Variants in SRGAP3 observed in about 807,000 individuals in gnomAD.
SRGAP3 encodes SLIT-ROBO Rho GTPase activating protein 3, also known as SLIT-ROBO Rho GTPase-activating protein 3.
In SRGAP3, 39 loss-of-function variants were observed where a neutral mutation model predicts 121.1. The ratio of observed to expected loss-of-function variants is 0.32; its 90% confidence interval spans 0.25 to 0.42. The LOEUF is 0.42. Ranked by LOEUF, SRGAP3 falls within the 10% of genes least tolerant of loss-of-function variation. The pLI, the probability that SRGAP3 is intolerant of heterozygous loss-of-function variation, is 1.00. For missense variants in SRGAP3, 1,213 were observed against 1,470.6 expected, an observed-to-expected ratio of 0.82 and a Z score of 2.86; for synonymous variants, 601 against 570.0, an observed-to-expected ratio of 1.05 and a Z score of -0.77.
intron 1 of SRGAP3, among the ~76,000 whole-genome samples, chr3:9,153,133 C>T (rs1466993292): frequency 6.6e-6 from 1 of 152,170 alleles, no homozygotes; most frequent in Admixed American, 6.5e-5. Flanking sequence ...ACTCTTGTTA[C>T]CTCACCCAGT....
intron 3 of SRGAP3, among the ~76,000 whole-genome samples, chr3:9,263,741 C>T (rs1353852376): frequency 6.6e-6 from 1 of 151,966 alleles, no homozygotes; most frequent in African/African-American, 2.4e-5. Flanking sequence ...AACCTACCAA[C>T]AAAAAAAGCC....
chr3:9,291,110 C>T (rs1954861525), intron 3 of SRGAP3, among the ~76,000 whole-genome samples: 1 of 152,014 alleles, frequency 6.6e-6, no homozygotes, highest in African/African-American at 2.4e-5. Context: ...AATAAAATTC[C>T]CCCCTGAATA....
At chr3:9,245,784 T>A (rs1014128621) in intron 1 of SRGAP3, among the ~76,000 whole-genome samples, 2 of 151,914 alleles carry the variant, frequency 1.3e-5, no homozygotes, top group Non-Finnish European at 2.9e-5. Flanking sequence ...ATTGGCCACA[T>A]GTGGTGGCAC....
intron 2 of SRGAP3, among the ~76,000 whole-genome samples, chr3:9,326,860 G>C (rs1479892573): frequency 6.6e-6 from 1 of 151,726 alleles, no homozygotes; most frequent in Non-Finnish European, 1.5e-5. Flanking sequence ...AAAATGATAA[G>C]TCAAAAATTT....
In SRGAP3 at chr3:9,289,433, G is replaced by A. The variant is rs117829020; in HGVS notation, n.442+36577C>T. 2.0e-5 allele frequency among the ~76,000 whole-genome samples: 3 copies of A among 152,064 alleles called. No individual in the cohort carries two copies. In the South Asian group the frequency reaches 6.2e-4, roughly 31 times the overall value. On this transcript the variant is annotated intron_variant and non_coding_transcript_variant, in intron 3 of 3. Transcript: ENST00000490889. ...CATCAAAATGAATTCCTTGAGATCT[G>A]GGAAAAGACAAGTTCTTCTATGGGA... is the stretch of plus-strand genomic sequence containing the variant.
chr3:9,347,097 T>TA (rs1193564770), intron 1 of SRGAP3, among the ~76,000 whole-genome samples: 10 of 152,122 alleles, frequency 6.6e-5, no homozygotes, highest in Non-Finnish European at 1.2e-4. Context: ...CCCAGCCAAC[T>TA]AAAAGCAATT....
chr3:9,301,362 T>C (rs1955050777), intron 3 of SRGAP3, among the ~76,000 whole-genome samples: 1 of 152,178 alleles, frequency 6.6e-6, no homozygotes, highest in African/African-American at 2.4e-5. Flanking sequence ...CCTGCCCAGA[T>C]GGGTGGCCTT....
chr3:8,992,358 G>A (rs1322702600), intron 20 of SRGAP3, among the ~76,000 whole-genome samples: 2 of 152,224 alleles, frequency 1.3e-5, no homozygotes, highest in East Asian at 3.9e-4. Flanking sequence ...GACATGCACA[G>A]CTCCTTGCCT....
intron 3 of SRGAP3, among the ~76,000 whole-genome samples, chr3:9,277,858 G>A (rs972629751): frequency 2.0e-5 from 3 of 152,150 alleles, no homozygotes; most frequent in Non-Finnish European, 4.4e-5. Context: ...CTCCTAATAA[G>A]ATGATAGTAT....
intron 1 of SRGAP3, among the ~76,000 whole-genome samples, chr3:9,232,524 C>G (rs1277008010): frequency 1.3e-5 from 2 of 152,168 alleles, no homozygotes; most frequent in African/African-American, 4.8e-5. Flanking sequence ...AACTGTAATA[C>G]ATACACACAC....
intron 1 of SRGAP3, among the ~76,000 whole-genome samples, chr3:9,174,380 A>G (rs1219371791): frequency 6.6e-6 from 1 of 152,220 alleles, no homozygotes; most frequent in African/African-American, 2.4e-5. Flanking sequence ...AATAATTTTT[A>G]AAGGGTGGAA....
chr3:9,182,429 C>A (rs369439965), intron 1 of SRGAP3, among the ~76,000 whole-genome samples: 5 of 151,894 alleles, frequency 3.3e-5, no homozygotes, highest in African/African-American at 1.2e-4. Context: ...GAGGCATCTA[C>A]AAGCCAAGGC....
intron 1 of SRGAP3, among the ~76,000 whole-genome samples, chr3:9,127,694 G>A (rs1363065628): frequency 1.3e-5 from 2 of 152,108 alleles, no homozygotes; most frequent in Non-Finnish European, 2.9e-5. Context: ...TGATCCACCC[G>A]CCTTGGCCTC....
intron 9 of SRGAP3, among the ~76,000 whole-genome samples, chr3:9,050,041 T>C (rs1048772319): frequency 2.0e-5 from 3 of 152,208 alleles, no homozygotes; most frequent in East Asian, 1.9e-4. Flanking sequence ...GGTTTTGCCA[T>C]GTTGCCCACG....
Position 9,124,929 on chromosome 3 carries a change from C to A in SRGAP3, c.68-12G>T. The A allele has an allele frequency of 6.2e-7, 1 of 1,613,822 alleles. No individual in the cohort carries two copies. Among genetic ancestry groups the A allele is most frequent in the Non-Finnish European group, 8.5e-7 (1 of 1,180,026 alleles). On this transcript the variant is annotated splice_polypyrimidine_tract_variant and intron_variant, in intron 1 of 21. Transcript: ENST00000383836. ...CTGCGTGCGGATCTCTGCGGGCACA[C>A]AAGGGTAGGAGCATGAGACTGGTGG... is the stretch of plus-strand genomic sequence containing the variant.
intron 2 of SRGAP3, among the ~76,000 whole-genome samples, chr3:9,326,888 T>G (rs778600420): frequency 2.0e-5 from 3 of 151,790 alleles, no homozygotes; most frequent in Non-Finnish European, 2.9e-5. Flanking sequence ...GAAGAAACAT[T>G]AGTCTGATAC....
intron 19 of SRGAP3, 77 bp downstream of exon 19, chr3:8,994,266 G>C (rs1002240639): frequency 1.3e-6 from 2 of 1,583,368 alleles, no homozygotes; most frequent in Non-Finnish European, 1.7e-6. Flanking sequence ...ATACAAGCTA[G>C]CACTCCCCTA....
At chr3:9,071,540 T>G (rs1030253096) in intron 4 of SRGAP3, among the ~76,000 whole-genome samples, 1 of 152,060 alleles carries the variant, frequency 6.6e-6, no homozygotes, top group Non-Finnish European at 1.5e-5. Context: ...TTTGCAGTGC[T>G]AGGGACCATT....
At chr3:9,031,752 AG>A (rs779011278) in intron 12 of SRGAP3, among the ~76,000 whole-genome samples, 4 of 152,228 alleles carry the variant, frequency 2.6e-5, no homozygotes, top group African/African-American at 4.8e-5. Flanking sequence ...GGCAAAGCCC[AG>A]GAGCCTTTGT....
Sources: gnomAD v4.1 joint callset for allele counts (sites outside exome capture counted in the v4.1 genomes callset) on GRCh38, gnomAD v4.1.1 for gene constraint, MANE v1.5 for transcripts, NCBI Gene and HGNC (gene_info 2026-07-23, HGNC 2026-07-21) for gene names.